HSD17B12: variants seen among roughly 807,000 people sequenced by gnomAD.
The protein encoded by HSD17B12 is hydroxysteroid 17-beta dehydrogenase 12.
HSD17B12 carries 32 observed loss-of-function variants against 39.3 expected under a neutral mutation model. The observed-to-expected ratio is 0.81, with a 90% CI of 0.61 to 1.09. HSD17B12 has a LOEUF of 1.09. HSD17B12 is among the 50% of genes least tolerant of loss of function. HSD17B12 has a pLI of 0.00. For missense variants in HSD17B12, 342 were observed against 382.9 expected (o/e 0.89, Z 0.89); for synonymous variants, 150 against 146.7 (o/e 1.02, Z -0.16).
the HSD17B12 span, among the ~76,000 whole-genome samples, chr11:43,629,775 G>A: frequency 1.3e-5 from 2 of 152,162 alleles, no homozygotes; most frequent in Non-Finnish European, 1.5e-5. Context: ...CTGATGTTAG[G>A]TCCAGAAGGG....
At chr11:43,686,476 T>C (rs10768973) in intron 1 of HSD17B12, among the ~76,000 whole-genome samples, 152,204 of 152,204 alleles carry the variant, frequency 1, 76,102 homozygotes, top group Non-Finnish European at 1. Flanking sequence ...ATACCTTTAT[T>C]TGATTTGGAG....
At chr11:43,595,871 C>T in the HSD17B12 span, among the ~76,000 whole-genome samples, 3 of 152,180 alleles carry the variant, frequency 2.0e-5, no homozygotes, top group African/African-American at 7.2e-5. Context: ...GAGAGATTTA[C>T]TGTCCTATTG....
intron 3 of HSD17B12, among the ~76,000 whole-genome samples, chr11:43,766,923 G>C (rs1026035762): frequency 1.3e-5 from 2 of 152,172 alleles, no homozygotes; most frequent in African/African-American, 4.8e-5. Context: ...TACTCTGATA[G>C]AGAAAAACAT....
the HSD17B12 span, among the ~76,000 whole-genome samples, chr11:43,657,333 G>A: frequency 6.6e-6 from 1 of 152,186 alleles, no homozygotes; most frequent in Non-Finnish European, 1.5e-5. Flanking sequence ...ACAGCACACT[G>A]CTGGGTCTTG....
chr11:43,597,708 C>T, the HSD17B12 span, among the ~76,000 whole-genome samples: 8 of 152,112 alleles, frequency 5.3e-5, no homozygotes, highest in South Asian at 2.1e-4. Flanking sequence ...TGCAGTGGTG[C>T]GATCTTGGCT....
chr11:43,701,071 A>G (rs1042546084), intron 1 of HSD17B12, among the ~76,000 whole-genome samples: 2 of 152,110 alleles, frequency 1.3e-5, no homozygotes, highest in African/African-American at 4.8e-5. Flanking sequence ...TTTGATTTGC[A>G]TTTCTCTGAT....
the HSD17B12 span, among the ~76,000 whole-genome samples, chr11:43,637,597 G>A: frequency 1.3e-5 from 2 of 152,130 alleles, 1 homozygote; most frequent in Admixed American, 1.3e-4. Context: ...ACAGGTGCTA[G>A]TGATTGTCAT....
the HSD17B12 span, among the ~76,000 whole-genome samples, chr11:43,600,401 C>G: frequency 1.3e-5 from 2 of 151,802 alleles, no homozygotes; most frequent in South Asian, 4.2e-4. Flanking sequence ...AATAGGGATC[C>G]TATTCTTGTT....
At chr11:43,677,536 C>T (rs1461480903), upstream of HSD17B12, among the ~76,000 whole-genome samples, 4 of 152,132 alleles carry the variant, frequency 2.6e-5, no homozygotes, top group Admixed American at 2.0e-4. Flanking sequence ...TGGTGTGCTG[C>T]ACCCACTAAC....
At chr11:43,826,121 C>T (rs1951235757) in intron 6 of HSD17B12, among the ~76,000 whole-genome samples, 1 of 135,586 alleles carries the variant, frequency 7.4e-6, no homozygotes, top group Non-Finnish European at 1.5e-5. Flanking sequence ...CTCACTCTGT[C>T]GCCAAGGCTG....
chr11:43,677,640 G>C (rs1949703450), upstream of HSD17B12, among the ~76,000 whole-genome samples: 2 of 149,506 alleles, frequency 1.3e-5, no homozygotes, highest in South Asian at 2.1e-4. Flanking sequence ...TCCCTTTCCT[G>C]TGTCCAAGTG....
chr11:43,767,199 T>C (rs979337327), intron 3 of HSD17B12, among the ~76,000 whole-genome samples: 1 of 136,908 alleles, frequency 7.3e-6, no homozygotes, highest in Non-Finnish European at 1.6e-5. Flanking sequence ...TCAGTGACTT[T>C]TGTGTAAAAA....
At chr11:43,688,524 A>C (rs533664294) in intron 1 of HSD17B12, among the ~76,000 whole-genome samples, 1 of 152,362 alleles carries the variant, frequency 6.6e-6, no homozygotes, top group East Asian at 1.9e-4. Context: ...CTACAAAACA[A>C]TGCGTTTGCC....
the HSD17B12 span, chr11:43,579,322 C>T: frequency 6.6e-6 from 1 of 152,218 alleles, no homozygotes; most frequent in African/African-American, 2.4e-5. Flanking sequence ...CGGAAAGCCG[C>T]AATTACCAAG....
intron 3 of HSD17B12, among the ~76,000 whole-genome samples, chr11:43,777,795 GAC>G (rs1484702266): frequency 5.3e-5 from 8 of 152,082 alleles, no homozygotes; most frequent in African/African-American, 1.7e-4. Context: ...TGAGAACAAA[GAC>G]ACAACATACC....
At chr11:43,690,967 T>C (rs531184725) in intron 1 of HSD17B12, among the ~76,000 whole-genome samples, 1 of 152,340 alleles carries the variant, frequency 6.6e-6, no homozygotes, top group South Asian at 2.1e-4. Flanking sequence ...TCTGATTTTA[T>C]CCACATGCAT....
At chr11:43,676,245 A>G (rs1187325441), upstream of HSD17B12, among the ~76,000 whole-genome samples, 1 of 79,086 alleles carries the variant, frequency 1.3e-5, no homozygotes, top group Non-Finnish European at 2.9e-5. Context: ...GTATGTGTTA[A>G]GCGTAGAGTT....
chr11:43,618,500 GA>G, the HSD17B12 span, among the ~76,000 whole-genome samples: 265 of 152,242 alleles, frequency 1.7e-3, no homozygotes, highest in African/African-American at 6.2e-3. Flanking sequence ...CCAAACAAAG[GA>G]ATTGAGCCAC....
chr11:43,847,753 A>G (rs1033011271), intron 9 of HSD17B12, among the ~76,000 whole-genome samples: 3 of 147,950 alleles, frequency 2.0e-5, no homozygotes, highest in Non-Finnish European at 4.5e-5. Context: ...TCTAGGCTCC[A>G]TTTGCTTGTT....
Sources: gnomAD v4.1 joint callset for allele counts (sites outside exome capture counted in the v4.1 genomes callset) on GRCh38, gnomAD v4.1.1 for gene constraint, MANE v1.5 for transcripts, NCBI Gene and HGNC (gene_info 2026-07-23, HGNC 2026-07-21) for gene names.